The following C2CD4C variants were observed in gnomAD, a reference collection of about 807,000 sequenced individuals.
C2CD4C encodes C2 calcium dependent domain containing 4C, also known as C2 calcium-dependent domain-containing protein 4C.
A neutral mutation model predicts 4.1 loss-of-function variants in C2CD4C; 3 were observed. The observed-to-expected ratio is 0.73, with a 90% CI of 0.33 to 1.88. The LOEUF (loss-of-function observed/expected upper bound fraction) is 1.88, where lower values mean the gene tolerates loss of function less well. Among genes scored for constraint, C2CD4C ranks in the 40% most tolerant of loss-of-function variants. The probability of loss-of-function intolerance (pLI) is 0.08; values close to 1 mark genes in which losing one functional copy is unlikely to be tolerated. For missense variants in C2CD4C, 664 were observed against 621.5 expected (o/e 1.07, Z -0.73); for synonymous variants, 364 against 290.4 (o/e 1.25, Z -2.57).
Position 407,986 on chromosome 19 carries a change from T to C in C2CD4C, c.376A>G (p.Thr126Ala). The change falls in exon 2 of 2, where the codon ACT (threonine) becomes GCT (alanine). Residue 126 changes from threonine to alanine, a missense_variant. Transcript: ENST00000332235. Reference sequence around the variant, plus strand: ...CCCTGGGCCTGGGGGTCGGCGTCAGTGGCCTCCTCGGACAGCCAGTCCTCG... The same window carrying C: ...CCCTGGGCCTGGGGGTCGGCGTCAGCGGCCTCCTCGGACAGCCAGTCCTCG... ...SAEDWLSEEA[T>A]DADPQAQGAM... 6.5e-7 allele frequency: 1 copy of C among 1,549,054 alleles called. No homozygotes were observed. Among genetic ancestry groups the C allele is most frequent in the African/African-American group, 1.4e-5 (1 of 73,116 alleles).
At position 406,993 on chromosome 19, in the gene C2CD4C, C is replaced by CCCCCCCCCCCCCCA; in HGVS notation, c.*102_*103insTGGGGGGGGGGGGG. 6.0e-6 allele frequency: 5 copies of CCCCCCCCCCCCCCA among 834,768 alleles called. No homozygotes were observed. Among genetic ancestry groups the CCCCCCCCCCCCCCA allele is most frequent in the East Asian group, 3.2e-5 (1 of 30,896 alleles). The allele number at this position is 834,768 out of a possible 1,614,324, so 51.7% of individuals were successfully genotyped here. On this transcript the variant is annotated 3_prime_UTR_variant, in exon 2 of 2. Coordinates refer to ENST00000332235, the MANE Select transcript of C2CD4C (RefSeq NM_001136263.2). Reference sequence around the variant, plus strand: ...GCCTGAGTGTGAGCCCCTCCCCGGCCAGCCCCAGCCCAAGCCAGCGGACCC... The same window carrying CCCCCCCCCCCCCCA: ...GCCTGAGTGTGAGCCCCTCCCCGGCCCCCCCCCCCCCCCAAGCCCCAGCCCAAGCCAGCGGACCC...
rs1032436928 is a variant in C2CD4C, at chr19:409,015, GTGA to G, written c.-53_-51del. 3.3e-5 allele frequency: 5 copies of G among 152,524 alleles called. No individual in the cohort carries two copies. Among genetic ancestry groups the G allele is most frequent in the African/African-American group, 1.2e-4 (5 of 41,444 alleles). The allele number at this position is 152,524 out of a possible 1,614,324, so 9.4% of individuals were successfully genotyped here. A position where few individuals can be genotyped will look rare whatever the true frequency, so the allele number is the denominator to read the frequency against. On this transcript the variant is annotated 5_prime_UTR_variant, in exon 1 of 2. Transcript: ENST00000332235. ...GGGTCCCCGGACTTACCTGCCCGGG[GTGA>G]TGGCCCGAGGCCGGAGGTCTGTTCG...
intron 1 of C2CD4C, 133 bp downstream of exon 1, chr19:408,873 G>C (rs750915946): frequency 6.5e-6 from 1 of 152,722 alleles, no homozygotes; most frequent in East Asian, 1.9e-4. Flanking sequence ...GGGAGGGGCG[G>C]TAGGTCTGGG....
rs1178340779 is a variant in C2CD4C at position 407,434 on chromosome 19, G to A, written c.928C>T (p.Arg310Trp). ...CCGGCCTCGTACTCGGCCAGCAGCC[G>A]CACGCTGCCCCGAGGGCCCACGTGG... The part of the protein sequence containing the change: ...TVHVGPRGSV[R>W]LLAEYEAGQA... The change falls in exon 2 of 2, where the codon CGG becomes TGG. Residue 310 changes from arginine (R) to tryptophan (W), a missense_variant. Arg to Trp is a moderately radical substitution (Grantham distance 101, BLOSUM62 -3). Coordinates refer to ENST00000332235, the MANE Select transcript of C2CD4C (RefSeq NM_001136263.2). 8.7e-6 allele frequency: 13 copies of A among 1,498,396 alleles called. No individual in the cohort carries two copies. The highest frequency in any genetic ancestry group is 5.0e-5 in the East Asian group (2 of 40,186). The allele number at this position is 1,498,396 out of a possible 1,614,324, so 92.8% of individuals were successfully genotyped here.
At position 406,919 on chromosome 19, in the gene C2CD4C, G is replaced by C; in HGVS notation, c.*177C>G. 5.2e-6 allele frequency: 3 copies of C among 582,348 alleles called. No individual in the cohort carries two copies. Among genetic ancestry groups the C allele is most frequent in the Non-Finnish European group, 8.9e-6 (3 of 335,966 alleles). The allele number at this position is 582,348 out of a possible 1,614,324, so 36.1% of individuals were successfully genotyped here. On this transcript the variant is annotated 3_prime_UTR_variant, in exon 2 of 2. Coordinates refer to ENST00000332235, the MANE Select transcript of C2CD4C (RefSeq NM_001136263.2). ...GAAAAATAATACTCCAGTCAGCATC[G>C]GGTGACCCAGGAAACCCTGCGTCAG...
rs547275956 is a variant in C2CD4C, at chr19:407,996, G to A, written c.366C>T (p.Ser122=). Residue 122 remains serine, a synonymous_variant, in exon 2 of 2, where the codon TCC becomes TCT. Coordinates refer to ENST00000332235, the MANE Select transcript of C2CD4C (RefSeq NM_001136263.2). ...IQIESAEDWL[S]EEATDADPQA... ...GGGGGTCGGCGTCAGTGGCCTCCTC[G>A]GACAGCCAGTCCTCGGCACTCTCGA... 2.6e-6 allele frequency: 4 copies of A among 1,548,918 alleles called. No individual in the cohort carries two copies. Among genetic ancestry groups the A allele is most frequent in the South Asian group, 1.2e-5 (1 of 84,000 alleles).
In C2CD4C at chr19:407,258, G is replaced by A. The variant is rs1272271334; in HGVS notation, c.1104C>T (p.Arg368=). The A allele has an allele frequency of 6.5e-7, 1 of 1,550,244 alleles. No homozygotes were observed. Among genetic ancestry groups the A allele is most frequent in the Non-Finnish European group, 8.7e-7 (1 of 1,146,874 alleles). Residue 368 remains arginine, a synonymous_variant, in exon 2 of 2, where the codon CGC becomes CGT. Transcript: ENST00000332235. ...AGAAGAAATCCTCGTTGAAGACGGG[G>A]CGGCGGCTGTTCTTCACGATGGTGC... ...QRSTIVKNSR[R]PVFNEDFFFD...
rs1974014926 is a variant in C2CD4C, at chr19:407,742, G to A, written c.620C>T (p.Pro207Leu). ...PREAGGALMS[P>L]GRYFSGGESD... ...CTCCCCGCCACTGAAGTAGCGGCCG[G>A]GGCTCATGAGGGCCCCGCCAGCCTC... is the stretch of plus-strand genomic sequence containing the variant. Residue 207 changes from proline (P) to leucine (L), a missense_variant, in exon 2 of 2, where the codon CCC becomes CTC. Physicochemically the swap from Pro to Leu is moderately conservative, Grantham distance 98 (BLOSUM62 -3). Transcript: ENST00000332235. 1.3e-6 allele frequency: 2 copies of A among 1,518,716 alleles called. No homozygotes were observed. The highest frequency in any genetic ancestry group is 1.4e-5 in the African/African-American group (1 of 71,634). The allele number at this position is 1,518,716 out of a possible 1,614,324, so 94.1% of individuals were successfully genotyped here. A position where few individuals can be genotyped will look rare whatever the true frequency, so the allele number is the denominator to read the frequency against.
rs1283475549 is a variant in C2CD4C at position 407,173 on chromosome 19, T to C, written c.1189A>G (p.Lys397Glu). ...GTGTCCCGCTTGAGGCTGCTGCCCT[T>C]GTTCACCACCTTGATCCTGAGGGCC... ...KLALRIKVVN[K>E]GSSLKRDTLL... The change falls in exon 2 of 2, where the codon AAG becomes GAG. Residue 397 changes from lysine (K) to glutamate (E), a missense_variant. Lys to Glu is a moderately conservative substitution (Grantham distance 56). Transcript: ENST00000332235. 1.3e-6 allele frequency: 2 copies of C among 1,550,226 alleles called. No individual in the cohort carries two copies. Among genetic ancestry groups the C allele is most frequent in the East Asian group, 4.9e-5 (2 of 40,910 alleles).
rs1388449840 is a variant in C2CD4C, at chr19:408,418, G to T, written c.-40-17C>A. The T allele has an allele frequency of 8.6e-6, 13 of 1,506,132 alleles. No homozygotes were observed. The highest frequency in any genetic ancestry group is 1.1e-5 in the Non-Finnish European group (12 of 1,123,638). The allele number at this position is 1,506,132 out of a possible 1,614,324, so 93.3% of individuals were successfully genotyped here. A position where few individuals can be genotyped will look rare whatever the true frequency, so the allele number is the denominator to read the frequency against. On this transcript the variant is annotated splice_polypyrimidine_tract_variant and intron_variant, in intron 1 of 1. Coordinates refer to ENST00000332235, the MANE Select transcript of C2CD4C (RefSeq NM_001136263.2). ...CTGCAGCGTCTGGGAAGAGAAGCAG[G>T]GGTCAGGAGCAGTGGGGGGCGGCTG...
chr19:409,080 G>C lies in C2CD4C; in HGVS notation c.-115C>G, dbSNP rs1974046853. ...GGGTCTCGGCGCGCAGGCTCCCGGG[G>C]CTGGCGCGGGGGACGCGGCCGGAGC... On this transcript the variant is annotated 5_prime_UTR_variant, in exon 1 of 2. Transcript: ENST00000332235. 6.5e-6 allele frequency: 1 copy of C among 153,442 alleles called. No homozygotes were observed. The highest frequency in any genetic ancestry group is 2.4e-5 in the African/African-American group (1 of 41,444). The allele number at this position is 153,442 out of a possible 1,614,324, so 9.5% of individuals were successfully genotyped here. A position where few individuals can be genotyped will look rare whatever the true frequency, so the allele number is the denominator to read the frequency against.
Position 407,276 on chromosome 19 carries a change from G to A in C2CD4C, c.1086C>T (p.Ile362=), listed in dbSNP as rs1420535586. The A allele has an allele frequency of 1.9e-6, 3 of 1,550,160 alleles. No individual in the cohort carries two copies. Among genetic ancestry groups the A allele is most frequent in the South Asian group, 1.2e-5 (1 of 84,066 alleles). The stretch of plus-strand genomic sequence containing the variant: ...AGACGGGGCGGCGGCTGTTCTTCAC[G>A]ATGGTGCTGCGCTGCTTCTGCAGCT... The part of the protein sequence containing the change: ...PGKLQKQRST[I]VKNSRRPVFN... The change falls in exon 2 of 2, where the codon ATC becomes ATT. Residue 362 remains isoleucine, a synonymous_variant. Transcript: ENST00000332235.
Position 408,043 on chromosome 19 carries a change from C to T in C2CD4C, c.319G>A (p.Ala107Thr), listed in dbSNP as rs930310933. 133 of 1,541,462 alleles carry T rather than the reference C, an allele frequency of 8.6e-5. No homozygotes were observed. Among genetic ancestry groups the T allele is most frequent in the Non-Finnish European group, 1.1e-4 (128 of 1,143,162 alleles). The stretch of plus-strand genomic sequence containing the variant: ...TCGATCTGGATCACGTGCCGGGTGG[C>T]TGCCTTCAGCAGGCTCTTGCTCTCG... Reference protein sequence around the residue: ...AAESKSLLKAATRHVIQIESA... With the variant: ...AAESKSLLKATTRHVIQIESA... The change falls in exon 2 of 2, where the codon GCC (alanine) becomes ACC (threonine). Residue 107 changes from alanine (A) to threonine (T), a missense_variant. By Grantham distance (58) the Ala-to-Thr change is moderately conservative. Coordinates refer to ENST00000332235, the MANE Select transcript of C2CD4C (RefSeq NM_001136263.2).
At position 408,666 on chromosome 19, in the gene C2CD4C, A is replaced by C. The variant is rs562757963; in HGVS notation, c.-40-265T>G. Among the ~76,000 whole-genome samples the C allele has an allele frequency of 2.1e-3, 326 of 152,236 alleles. 1 individual carries two copies. The highest frequency in any genetic ancestry group is 7.6e-3 in the African/African-American group (317 of 41,558). Reference sequence around the variant, plus strand: ...CGCTCTGACTCTCCGGGGAGCTCCCAGAGGAGACTGGCCCCTCGCCCGCCC... The same window carrying C: ...CGCTCTGACTCTCCGGGGAGCTCCCCGAGGAGACTGGCCCCTCGCCCGCCC... On this transcript the variant is annotated intron_variant, in intron 1 of 1. Coordinates refer to ENST00000332235, the MANE Select transcript of C2CD4C (RefSeq NM_001136263.2).
chr19:405,905 G>A lies in C2CD4C; in HGVS notation c.*1191C>T, dbSNP rs71335243. The A allele has an allele frequency of 0.019, 2,912 of 152,448 alleles. 65 individuals are homozygous for A. The highest frequency in any genetic ancestry group is 0.067 in the Admixed American group (1,022 of 15,300). The allele number at this position is 152,448 out of a possible 1,614,324, so 9.4% of individuals were successfully genotyped here. A position where few individuals can be genotyped will look rare whatever the true frequency, so the allele number is the denominator to read the frequency against. ...ACGGGCTGACAAGGGACGTCCCTGG[G>A]TACCACAGATGTGCCCTGGTTCCTC... On this transcript the variant is annotated 3_prime_UTR_variant, in exon 2 of 2. Coordinates refer to ENST00000332235, the MANE Select transcript of C2CD4C (RefSeq NM_001136263.2).
At position 408,099 on chromosome 19, in the gene C2CD4C, C is replaced by G; in HGVS notation, c.263G>C (p.Arg88Pro). Residue 88 changes from arginine (R) to proline (P), a missense_variant, in exon 2 of 2, where the codon CGG becomes CCG. By Grantham distance (103) the Arg-to-Pro change is moderately radical. Transcript: ENST00000332235. ...LASAAPRQTPRSPRLPAKLAA... is the reference protein window; with the variant it reads ...LASAAPRQTPPSPRLPAKLAA... ...CAGCTTGGCAGGCAGCCGGGGGCTC[C>G]GTGGGGTCTGGCGGGGGGCCGCAGA... 6.7e-7 allele frequency: 1 copy of G among 1,488,176 alleles called. No individual in the cohort carries two copies. Among genetic ancestry groups the G allele is most frequent in the South Asian group, 1.4e-5 (1 of 73,676 alleles). 92.2% of individuals were successfully genotyped at this position (1,488,176 alleles called of 1,614,324 possible). A position where few individuals can be genotyped will look rare whatever the true frequency, so the allele number is the denominator to read the frequency against.
chr19:407,322 C>A lies in C2CD4C; in HGVS notation c.1040G>T (p.Gly347Val), dbSNP rs1600256245. 6.5e-7 allele frequency: 1 copy of A among 1,549,320 alleles called. No individual in the cohort carries two copies. The highest frequency in any genetic ancestry group is 1.2e-5 in the South Asian group (1 of 84,054). The change falls in exon 2 of 2, where the codon GGC becomes GTC. Residue 347 changes from glycine to valine, a missense_variant. Physicochemically the swap from Gly to Val is moderately radical, Grantham distance 109. Coordinates refer to ENST00000332235, the MANE Select transcript of C2CD4C (RefSeq NM_001136263.2). Reference protein sequence around the residue: ...CDARSINCCVGLCLVPGKLQK... With the variant: ...CDARSINCCVVLCLVPGKLQK... ...CAGCTTGCCCGGCACCAGGCACAGG[C>A]CCACGCAGCAGTTGATGCTGCGGGC...
chr19:407,755 C>A lies in C2CD4C; in HGVS notation c.607G>T (p.Ala203Ser), dbSNP rs1263150480. 1 of 1,515,920 alleles carries A rather than the reference C, an allele frequency of 6.6e-7. No individual in the cohort carries two copies. Among genetic ancestry groups the A allele is most frequent in the Admixed American group, 2.2e-5 (1 of 45,292 alleles). The allele number at this position is 1,515,920 out of a possible 1,614,324, so 93.9% of individuals were successfully genotyped here. A position where few individuals can be genotyped will look rare whatever the true frequency, so the allele number is the denominator to read the frequency against. ...AAGTAGCGGCCGGGGCTCATGAGGG[C>A]CCCGCCAGCCTCCCTGGGGCCCCCA... ...GDGGPREAGG[A>S]LMSPGRYFSG... Residue 203 changes from alanine (A) to serine (S), a missense_variant, in exon 2 of 2, where the codon GCC (alanine) becomes TCC (serine). Physicochemically the swap from Ala to Ser is moderately conservative, Grantham distance 99. Transcript: ENST00000332235.
rs760182736 is a variant in C2CD4C, at chr19:407,809, G to C, written c.553C>G (p.Arg185Gly). The change falls in exon 2 of 2, where the codon CGG (arginine) becomes GGG (glycine). Residue 185 changes from arginine (R) to glycine (G), a missense_variant. Coordinates refer to ENST00000332235, the MANE Select transcript of C2CD4C (RefSeq NM_001136263.2). Reference protein sequence around the residue: ...QVGSPGAGRRRAAAKANGGDG... With the variant: ...QVGSPGAGRRGAAAKANGGDG... Reference sequence around the variant, plus strand: ...CCCCCGTTGGCCTTGGCAGCTGCCCGGCGGCGCCCGGCCCCTGGGGAGCCC... The same window carrying C: ...CCCCCGTTGGCCTTGGCAGCTGCCCCGCGGCGCCCGGCCCCTGGGGAGCCC... 1.0e-5 allele frequency: 16 copies of C among 1,535,468 alleles called. No homozygotes were observed. The South Asian group carries it at 1.3e-4, about 13-fold the overall frequency.
Sources: allele counts gnomAD v4.1 joint callset (sites outside exome capture counted in the v4.1 genomes callset), GRCh38; gene constraint gnomAD v4.1.1; transcripts MANE v1.5; gene names NCBI Gene and HGNC (gene_info 2026-07-23, HGNC 2026-07-21).